RSL24D1: variants seen among roughly 807,000 people sequenced by gnomAD.
RSL24D1 encodes probable ribosome biogenesis protein RLP24.
In RSL24D1, 6 loss-of-function variants were observed where a neutral mutation model predicts 26.2. The ratio of observed to expected loss-of-function variants is 0.23; its 90% CI spans 0.13 to 0.45. The LOEUF (loss-of-function observed/expected upper bound fraction) is 0.45. Among genes scored for constraint, RSL24D1 ranks in the 20% least tolerant of loss-of-function variants. The pLI, the probability that RSL24D1 is intolerant of heterozygous loss-of-function variation, is 0.99. For missense variants in RSL24D1, 176 were observed against 202.6 expected, an observed-to-expected ratio of 0.87 and a Z score of 0.80; for synonymous variants, 61 against 59.1, an observed-to-expected ratio of 1.03 and a Z score of -0.15.
At chr15:55,188,836 C>T (rs1188959469) in intron 3 of RSL24D1, among the ~76,000 whole-genome samples, 2 of 151,522 alleles carry the variant, frequency 1.3e-5, no homozygotes, top group Non-Finnish European at 2.9e-5. Context: ...GAGCTGCTGT[C>T]TTCAAGTAAT....
At chr15:55,187,083 T>A (rs547671947) in intron 3 of RSL24D1, among the ~76,000 whole-genome samples, 23 of 152,296 alleles carry the variant, frequency 1.5e-4, no homozygotes, top group African/African-American at 5.5e-4. Flanking sequence ...TGGGAGCTTG[T>A]TAGAAATGAA....
chr15:55,182,337 C>T (rs914050635), intron 5 of RSL24D1, 112 bp from the exon 6 acceptor site: 3 of 684,578 alleles, frequency 4.4e-6, no homozygotes, highest in Non-Finnish European at 7.8e-6. Context: ...TTAGCCACTC[C>T]TAAGAAATTT....
At chr15:55,194,633 G>T (rs895602931) in intron 1 of RSL24D1, among the ~76,000 whole-genome samples, 3 of 151,974 alleles carry the variant, frequency 2.0e-5, no homozygotes, top group African/African-American at 7.3e-5. Context: ...TATTTTCCCT[G>T]TTTGCAAAGT....
chr15:55,182,097 C>T lies in RSL24D1; in HGVS notation c.*55G>A. ...AAAAAATAAAATAATTTAGCAGTTC[C>T]AAGTATCCAAAGGGCATTTTCAAAT... On this transcript the variant is annotated 3_prime_UTR_variant, in exon 6 of 6. Transcript: ENST00000260443. 9.4e-7 allele frequency: 1 copy of T among 1,066,890 alleles called. No homozygotes were observed. The allele number at this position is 1,066,890 out of a possible 1,614,324, so 66.1% of individuals were successfully genotyped here. A position where few individuals can be genotyped will look rare whatever the true frequency, so the allele number is the denominator to read the frequency against.
intron 4 of RSL24D1, 22 bp downstream of exon 4, chr15:55,185,340 T>C (rs1894213089): frequency 6.4e-7 from 1 of 1,553,798 alleles, no homozygotes; most frequent in Non-Finnish European, 8.7e-7. Context: ...TTCCAAAAGT[T>C]ACTCCATACA....
At chr15:55,183,468 A>G in intron 4 of RSL24D1, 68 bp from the exon 5 acceptor site, 1 of 1,086,712 alleles carries the variant, frequency 9.2e-7, no homozygotes. Flanking sequence ...TCAATTCACA[A>G]TACAGCTTCT....
At chr15:55,194,053 A>G (rs1894328172) in intron 1 of RSL24D1, 1 of 152,162 alleles carries the variant, frequency 6.6e-6, no homozygotes, top group South Asian at 2.1e-4. Context: ...TCCTTTTTCT[A>G]CTATTTATCT....
intron 2 of RSL24D1, among the ~76,000 whole-genome samples, chr15:55,191,540 T>A (rs958014813): frequency 4.0e-5 from 6 of 151,738 alleles, no homozygotes; most frequent in African/African-American, 1.5e-4. Flanking sequence ...CAAAAAGGTA[T>A]GAAAACTATA....
At position 55,187,261 on chromosome 15, in the gene RSL24D1, T is replaced by G. The variant is rs538389841; in HGVS notation, c.269-1836A>C. ...CTGTAGCTCAGAATTAATAATATGC[T>G]GGATATATAACTTTTTTTCTTTGTC... On this transcript the variant is annotated intron_variant, in intron 3 of 5. Coordinates refer to ENST00000260443, the MANE Select transcript of RSL24D1 (RefSeq NM_016304.3). Among the ~76,000 whole-genome samples, 4 of 152,344 alleles carry G rather than the reference T, an allele frequency of 2.6e-5. No homozygotes were observed. The East Asian group carries it at 7.7e-4, about 29-fold the overall frequency.
intron 1 of RSL24D1, chr15:55,196,217 T>C: frequency 2.4e-6 from 1 of 417,776 alleles, no homozygotes; most frequent in Non-Finnish European, 4.8e-6. Flanking sequence ...ATTTGCTCCG[T>C]TCTCTGCCTT....
chr15:55,196,411 T>A (rs1017706743), intron 1 of RSL24D1: 2 of 471,636 alleles, frequency 4.2e-6, no homozygotes, highest in African/African-American at 3.9e-5. Flanking sequence ...TCCATCAACC[T>A]CTACACTTTA....
At chr15:55,183,844 G>T (rs1286139627) in intron 4 of RSL24D1, among the ~76,000 whole-genome samples, 2 of 152,062 alleles carry the variant, frequency 1.3e-5, no homozygotes, top group Non-Finnish European at 2.9e-5. Context: ...TTTGTACCTA[G>T]ACTGGCACGA....
At chr15:55,191,907 C>T (rs149110291) in intron 2 of RSL24D1, among the ~76,000 whole-genome samples, 22 of 152,312 alleles carry the variant, frequency 1.4e-4, no homozygotes, top group African/African-American at 5.3e-4. Flanking sequence ...ATTTGGGCTG[C>T]TATGCTTCTT....
chr15:55,182,781 T>A (rs1177451733), intron 5 of RSL24D1, among the ~76,000 whole-genome samples: 1 of 152,226 alleles, frequency 6.6e-6, no homozygotes, highest in Non-Finnish European at 1.5e-5. Context: ...TTACAGAATT[T>A]GACCTTTACT....
intron 1 of RSL24D1, 43 bp from the exon 2 acceptor site, chr15:55,192,876 T>A: frequency 7.3e-7 from 1 of 1,365,894 alleles, no homozygotes; most frequent in Non-Finnish European, 1.0e-6. Flanking sequence ...CATTAAAAAC[T>A]TTTCTATCAC....
chr15:55,182,351 A>G (rs554182868), intron 5 of RSL24D1, 126 bp from the exon 6 acceptor site: 1 of 644,846 alleles, frequency 1.6e-6, no homozygotes. Flanking sequence ...GAAATTTAAT[A>G]GTAGCTAAAC....
intron 1 of RSL24D1, among the ~76,000 whole-genome samples, chr15:55,193,093 G>C (rs2140597072): frequency 6.6e-6 from 1 of 152,206 alleles, no homozygotes; most frequent in East Asian, 1.9e-4. Context: ...CAAATAAAGG[G>C]AACAGTTTTA....
At chr15:55,192,979 A>G (rs908919026) in intron 1 of RSL24D1, 146 bp from the exon 2 acceptor site, 1 of 569,266 alleles carries the variant, frequency 1.8e-6, no homozygotes, top group Non-Finnish European at 3.1e-6. Flanking sequence ...AATGGAAACA[A>G]CTATTTTTTG....
intron 3 of RSL24D1, among the ~76,000 whole-genome samples, chr15:55,190,010 G>A (rs948317166): frequency 5.3e-5 from 8 of 152,184 alleles, no homozygotes; most frequent in Non-Finnish European, 1.0e-4. Flanking sequence ...CACTTTGGGA[G>A]GCCAAGGTGG....
Sources: gnomAD v4.1 joint callset for allele counts (sites outside exome capture counted in the v4.1 genomes callset) on GRCh38, gnomAD v4.1.1 for gene constraint, MANE v1.5 for transcripts, NCBI Gene and HGNC (gene_info 2026-07-23, HGNC 2026-07-21) for gene names.